Variants in PIEZO1 observed in about 807,000 individuals in gnomAD.
PIEZO1 encodes piezo type mechanosensitive ion channel component 1 (Er blood group).
A neutral mutation model predicts 297.2 loss-of-function variants in PIEZO1; 296 were observed. That is an observed-to-expected ratio of 1.00 (90% CI 0.91 to 1.10). The LOEUF is 1.10. Among genes scored for constraint, PIEZO1 ranks in the 50% least tolerant of loss-of-function variants. The pLI is 0.00. For synonymous variants in PIEZO1, 2,427 were observed against 1,507.5 expected (o/e 1.61, Z -14.13); for missense variants, 5,018 against 3,455.5 (o/e 1.45, Z -11.34).
intron 5 of PIEZO1, chr16:88,740,079 C>T (rs890552282): frequency 3.3e-5 from 5 of 152,136 alleles, no homozygotes; most frequent in Admixed American, 6.5e-5. Context: ...CCCCACGTGC[C>T]GCAGCCATGC....
intron 1 of PIEZO1, among the ~76,000 whole-genome samples, chr16:88,771,559 C>T (rs1907425072): frequency 6.6e-6 from 1 of 152,248 alleles, no homozygotes; most frequent in South Asian, 2.1e-4. Context: ...GCCTGAACCT[C>T]AGCAGGGCCA....
At chr16:88,729,110 C>T (rs1388064375) in intron 22 of PIEZO1, among the ~76,000 whole-genome samples, 13 of 19,660 alleles carry the variant, frequency 6.6e-4, no homozygotes, top group African/African-American at 5.2e-3. Context: ...CATGCTGAAC[C>T]CACAGCCCCA....
chr16:88,721,245 G>T lies in PIEZO1; in HGVS notation c.5589C>A (p.Pro1863=), dbSNP rs1160324016. ...GTAGACTGATGCGCCTCGTATCACG[G>T]GGCCTGAGCTCCACTTGGGGTTCTG... is the stretch of plus-strand genomic sequence containing the variant. ...GTPEPQVELR[P]RDTRRISLRF... The change falls in exon 39 of 51, where the codon CCC becomes CCA. Residue 1863 remains proline (P), a synonymous_variant. Coordinates refer to ENST00000301015, the MANE Select transcript of PIEZO1 (RefSeq NM_001142864.4). 3 of 1,541,884 alleles carry T rather than the reference G, an allele frequency of 1.9e-6. No homozygotes were observed. The highest frequency in any genetic ancestry group is 4.9e-5 in the East Asian group (2 of 40,902).
At position 88,773,582 on chromosome 16, in the gene PIEZO1, G is replaced by A. The variant is rs539575356; in HGVS notation, c.64+11319C>T. ...TGAGGTCTCCAGGCTCCTAGGAACA[G>A]GGCCTGACAGGGAAAAGGCTGACAG... On this transcript the variant is annotated intron_variant, in intron 1 of 50. Transcript: ENST00000301015. Among the ~76,000 whole-genome samples, 5 of 152,356 alleles carry A rather than the reference G, an allele frequency of 3.3e-5. No homozygotes were observed. The South Asian group carries it at 6.2e-4, about 19-fold the overall frequency.
At chr16:88,782,372 G>A (rs762726902) in intron 1 of PIEZO1, among the ~76,000 whole-genome samples, 16 of 152,102 alleles carry the variant, frequency 1.1e-4, no homozygotes, top group Non-Finnish European at 1.9e-4. Context: ...TTGGCCTCCC[G>A]AAGCTCTGGG....
intron 2 of PIEZO1, among the ~76,000 whole-genome samples, chr16:88,744,540 G>A (rs1905912631): frequency 6.6e-6 from 1 of 151,332 alleles, no homozygotes; most frequent in Non-Finnish European, 1.5e-5. Flanking sequence ...GGGCAGGGAG[G>A]GGCTCTCAGG....
intron 1 of PIEZO1, among the ~76,000 whole-genome samples, chr16:88,761,555 G>T (rs1597480289): frequency 1.3e-5 from 2 of 152,194 alleles, no homozygotes. Context: ...GAGCTGGGAG[G>T]TGCCTTTGCG....
Position 88,727,541 on chromosome 16 carries a change from G to A in PIEZO1, c.3301+16C>T. ...GAGGGTCCTCTGCAGAGGCGGGGGT[G>A]GTGGGGGGCACTCACTGATGAGGTT... On this transcript the variant is annotated intron_variant, in intron 23 of 50. Transcript: ENST00000301015. The A allele has an allele frequency of 3.8e-6, 4 of 1,064,130 alleles. No individual in the cohort carries two copies. Among genetic ancestry groups the A allele is most frequent in the Middle Eastern group, 2.0e-4 (1 of 4,920 alleles). The allele number at this position is 1,064,130 out of a possible 1,614,324, so 65.9% of individuals were successfully genotyped here.
rs1215711915 is a variant in PIEZO1 at position 88,732,589 on chromosome 16, A to T, written c.2790+18T>A. Reference sequence around the variant, plus strand: ...CGGGTACTCGCCCGCCCAGCCGCCCACCAGCCCTTCAACTCACCTGGATGT... The same window carrying T: ...CGGGTACTCGCCCGCCCAGCCGCCCTCCAGCCCTTCAACTCACCTGGATGT... On this transcript the variant is annotated intron_variant, in intron 20 of 50. Transcript: ENST00000301015. The T allele has an allele frequency of 6.5e-6, 10 of 1,545,354 alleles. No individual in the cohort carries two copies. The Admixed American group carries it at 1.6e-4, about 24-fold the overall frequency.
chr16:88,722,140 ACAGT>A (rs1904283891), intron 36 of PIEZO1, 74 bp from the exon 37 acceptor site: 2 of 1,521,226 alleles, frequency 1.3e-6, no homozygotes, highest in South Asian at 1.2e-5. Flanking sequence ...GTTGCCGGTC[ACAGT>A]CAGTCTCCTG....
At position 88,732,639 on chromosome 16, in the gene PIEZO1, G is replaced by A. The variant is rs758064343; in HGVS notation, c.2758C>T (p.Arg920Trp). Residue 920 changes from arginine to tryptophan, a missense_variant, in exon 20 of 51, where the codon CGG (arginine) becomes TGG (tryptophan). By Grantham distance (101) the Arg-to-Trp change is moderately radical. Coordinates refer to ENST00000301015, the MANE Select transcript of PIEZO1 (RefSeq NM_001142864.4). ...PVDPANWFGV[R>W]KGFPNLGYIQ... ...TAGCCCAGGTTGGGGAACCCTTTCCGCACCCCAAACCAGTTGGCAGGGTCC... is the reference window on the plus strand; with the variant it reads ...TAGCCCAGGTTGGGGAACCCTTTCCACACCCCAAACCAGTTGGCAGGGTCC... 3.0e-5 allele frequency: 47 copies of A among 1,549,496 alleles called. No individual in the cohort carries two copies. The highest frequency in any genetic ancestry group is 6.0e-5 in the South Asian group (5 of 84,014).
At chr16:88,723,476 G>C in intron 31 of PIEZO1, 148 bp from the exon 32 acceptor site, 4 of 899,708 alleles carry the variant, frequency 4.4e-6, no homozygotes, top group Non-Finnish European at 6.7e-6. Context: ...TCCCGGATGG[G>C]GACCCTGAGG....
chr16:88,737,429 G>A, intron 10 of PIEZO1, 130 bp downstream of exon 10: 1 of 634,226 alleles, frequency 1.6e-6, no homozygotes. Context: ...GGATGTCCTG[G>A]GCCCCCGAGG....
At chr16:88,724,896 G>A (rs770668298) in intron 30 of PIEZO1, 113 bp downstream of exon 30, 17 of 686,988 alleles carry the variant, frequency 2.5e-5, no homozygotes, top group South Asian at 4.8e-5. Flanking sequence ...ACGTCCTGAC[G>A]CTCAGGGCCT....
intron 1 of PIEZO1, among the ~76,000 whole-genome samples, chr16:88,751,235 G>A (rs939765033): frequency 1.3e-5 from 2 of 152,204 alleles, no homozygotes; most frequent in African/African-American, 4.8e-5. Context: ...AGGGCAGAGG[G>A]AGACCCCGAC....
rs745788296 is a variant in PIEZO1 at position 88,738,700 on chromosome 16, C to CCGT, written c.499_501dup (p.Thr167dup). ...AGCGTTGCTGCTTCCTGCAGCCCTG[C>CCGT]CGTCGGGCTGGCATCCACATCCCTC... On this transcript the variant is annotated inframe_insertion, in exon 6 of 51. Coordinates refer to ENST00000301015, the MANE Select transcript of PIEZO1 (RefSeq NM_001142864.4). 20 of 1,533,646 alleles carry CCGT rather than the reference C, an allele frequency of 1.3e-5. No homozygotes were observed. In the South Asian group the frequency reaches 2.4e-4, roughly 18 times the overall value.
Position 88,726,897 on chromosome 16 carries a change from CCACCAG to C in PIEZO1, c.3511_3516del (p.Leu1171_Val1172del), listed in dbSNP as rs1305681433. 7 of 1,550,320 alleles carry C rather than the reference CCACCAG, an allele frequency of 4.5e-6. No homozygotes were observed. Among genetic ancestry groups the C allele is most frequent in the African/African-American group, 1.4e-5 (1 of 73,052 alleles). ...CGGGTGGCCCCCGTGACAAACACCA[CCACCAG>C]CACCAGCCAGAACAGGTATCGGAAG... On this transcript the variant is annotated inframe_deletion, in exon 25 of 51. Transcript: ENST00000301015.
In PIEZO1 at chr16:88,732,334, C is replaced by T; in HGVS notation, c.2991+1G>A. On this transcript the variant is annotated splice_donor_variant, in intron 21 of 50. Coordinates refer to ENST00000301015, the MANE Select transcript of PIEZO1 (RefSeq NM_001142864.4). LOFTEE classifies it high-confidence loss of function. ...AGGGGGAGGCAATGTCCTTGCCTCA[C>T]CTCCAGCCCGAATTTGTAGAAGAAG... is the stretch of plus-strand genomic sequence containing the variant. 1 of 1,549,082 alleles carries T rather than the reference C, an allele frequency of 6.5e-7. No homozygotes were observed. Among genetic ancestry groups the T allele is most frequent in the South Asian group, 1.2e-5 (1 of 83,976 alleles).
chr16:88,759,581 G>C (rs1377360358), intron 1 of PIEZO1, among the ~76,000 whole-genome samples: 2 of 152,230 alleles, frequency 1.3e-5, no homozygotes, highest in African/African-American at 4.8e-5. Flanking sequence ...GGTACAGGCA[G>C]CTCCTGGCGG....
Sources: gnomAD v4.1 joint callset for allele counts (sites outside exome capture counted in the v4.1 genomes callset) on GRCh38, gnomAD v4.1.1 for gene constraint, MANE v1.5 for transcripts, NCBI Gene and HGNC (gene_info 2026-07-23, HGNC 2026-07-21) for gene names.